The following KIF6 variants were observed in gnomAD, a reference collection of about 807,000 sequenced individuals.
KIF6 encodes the protein kinesin family member 6.
KIF6 carries 106 observed loss-of-function variants against 112.7 expected under a neutral mutation model. That is an observed-to-expected ratio of 0.94 (90% CI 0.80 to 1.11). KIF6 has a LOEUF of 1.11. Ranked by LOEUF, KIF6 falls within the 50% of genes least tolerant of loss-of-function variation. The probability of loss-of-function intolerance (pLI) is 0.00; values close to 1 mark genes in which losing one functional copy is unlikely to be tolerated. For missense variants in KIF6, 929 were observed against 964.0 expected (o/e 0.96, Z 0.48); for synonymous variants, 339 against 339.9 (o/e 1.00, Z 0.03).
At chr6:39,349,443 G>T (rs1764044422) in intron 19 of KIF6, among the ~76,000 whole-genome samples, 1 of 151,994 alleles carries the variant, frequency 6.6e-6, no homozygotes, top group Admixed American at 6.6e-5. Flanking sequence ...AGGCAGAGAG[G>T]AGGAAGAAAA....
chr6:39,372,839 T>C (rs1766127076), intron 16 of KIF6, among the ~76,000 whole-genome samples: 5 of 152,228 alleles, frequency 3.3e-5, no homozygotes, highest in African/African-American at 1.2e-4. Flanking sequence ...TAAAGCTTTC[T>C]GTTGGTTATT....
intron 13 of KIF6, among the ~76,000 whole-genome samples, chr6:39,507,413 T>G (rs1776482197): frequency 6.6e-6 from 1 of 152,182 alleles, no homozygotes; most frequent in African/African-American, 2.4e-5. Flanking sequence ...CAAGGATTTG[T>G]GGAGCTGTTG....
rs150263814 is a variant in KIF6, at chr6:39,578,363, C to T, written c.1078-204G>A. 1.2e-3 allele frequency among the ~76,000 whole-genome samples: 169 copies of T among 136,214 alleles called. 1 individual carries two copies. The Middle Eastern group carries it at 0.014, about 11-fold the overall frequency. 89.4% of individuals were successfully genotyped at this position (136,214 alleles called of 152,430 possible). On this transcript the variant is annotated intron_variant, in intron 9 of 22. Coordinates refer to ENST00000287152, the MANE Select transcript of KIF6 (RefSeq NM_145027.6). ...TTTTTTTTTTTTGGAGACAGAGTCT[C>T]GTTCTGTCACCCAGGCTGGAGTGCA...
chr6:39,340,522 T>C (rs948461680), intron 22 of KIF6, among the ~76,000 whole-genome samples: 1 of 152,232 alleles, frequency 6.6e-6, no homozygotes, highest in African/African-American at 2.4e-5. Flanking sequence ...GGGCAAGTGA[T>C]ACAACCTCTG....
intron 3 of KIF6, among the ~76,000 whole-genome samples, chr6:39,697,752 T>C (rs1260432564): frequency 6.6e-6 from 1 of 152,082 alleles, no homozygotes; most frequent in Non-Finnish European, 1.5e-5. Context: ...TTCTTTGTGT[T>C]GGCCAGGTTG....
At chr6:39,705,000 A>G (rs1789112929) in intron 3 of KIF6, among the ~76,000 whole-genome samples, 1 of 152,224 alleles carries the variant, frequency 6.6e-6, no homozygotes, top group South Asian at 2.1e-4. Context: ...TTTATTTTAG[A>G]AATAAGTGGG....
chr6:39,703,879 A>G (rs116294652), intron 3 of KIF6, among the ~76,000 whole-genome samples: 3,012 of 152,298 alleles, frequency 0.02, 93 homozygotes, highest in African/African-American at 0.069. Flanking sequence ...TTTGTATAGG[A>G]AGGATTTTCC....
chr6:39,613,087 G>T (rs1310840561), intron 6 of KIF6, 102 bp downstream of exon 6: 9 of 876,752 alleles, frequency 1.0e-5, no homozygotes, highest in Admixed American at 3.4e-5. Flanking sequence ...TAAGGTCATT[G>T]TTGGCCCTAA....
At chr6:39,698,311 T>G (rs954176936) in intron 3 of KIF6, among the ~76,000 whole-genome samples, 1 of 152,152 alleles carries the variant, frequency 6.6e-6, no homozygotes, top group African/African-American at 2.4e-5. Context: ...TTAAAAAGAA[T>G]CATACAAAAG....
intron 16 of KIF6, among the ~76,000 whole-genome samples, chr6:39,385,202 AC>A (rs1372252744): frequency 1.3e-3 from 191 of 152,338 alleles, no homozygotes; most frequent in Non-Finnish European, 2.4e-4. Flanking sequence ...ATGAAAGGAG[AC>A]TGCATATGAG....
At chr6:39,664,051 A>G (rs901786412) in intron 3 of KIF6, among the ~76,000 whole-genome samples, 1 of 152,166 alleles carries the variant, frequency 6.6e-6, no homozygotes, top group Non-Finnish European at 1.5e-5. Flanking sequence ...TAGGACTGGA[A>G]CTAATATCAA....
chr6:39,509,001 G>C (rs991267564), intron 13 of KIF6, among the ~76,000 whole-genome samples: 1 of 152,128 alleles, frequency 6.6e-6, no homozygotes, highest in Non-Finnish European at 1.5e-5. Flanking sequence ...ATACAGGTGG[G>C]TGCTCCTCTG....
At chr6:39,647,300 G>A (rs1322793650) in intron 3 of KIF6, among the ~76,000 whole-genome samples, 4 of 152,084 alleles carry the variant, frequency 2.6e-5, no homozygotes, top group African/African-American at 9.7e-5. Flanking sequence ...GACTTTGAGA[G>A]GTCTGTTTTT....
At chr6:39,487,001 A>C (rs1393739172) in intron 13 of KIF6, among the ~76,000 whole-genome samples, 1 of 152,236 alleles carries the variant, frequency 6.6e-6, no homozygotes, top group Non-Finnish European at 1.5e-5. Context: ...CAATTAAAAA[A>C]ATTTCAAAAT....
intron 15 of KIF6, among the ~76,000 whole-genome samples, chr6:39,414,245 A>G (rs1239255929): frequency 6.6e-6 from 1 of 152,190 alleles, no homozygotes; most frequent in African/African-American, 2.4e-5. Flanking sequence ...TTTGGTACAT[A>G]AGCATAAATA....
intron 13 of KIF6, among the ~76,000 whole-genome samples, chr6:39,519,951 G>A (rs1407162424): frequency 3.9e-5 from 6 of 152,148 alleles, no homozygotes; most frequent in Non-Finnish European, 7.4e-5. Flanking sequence ...GAACCCGGGG[G>A]GCAGAGGTTG....
At chr6:39,498,526 A>G (rs960304103) in intron 13 of KIF6, among the ~76,000 whole-genome samples, 11 of 152,214 alleles carry the variant, frequency 7.2e-5, no homozygotes, top group African/African-American at 2.4e-4. Context: ...AGGGCAGGAT[A>G]GTAGATTTTT....
intron 13 of KIF6, among the ~76,000 whole-genome samples, chr6:39,452,998 T>C (rs2150410243): frequency 6.6e-6 from 1 of 152,310 alleles, no homozygotes; most frequent in Non-Finnish European, 1.5e-5. Flanking sequence ...CACAACTTTG[T>C]TAAAGAATCA....
At chr6:39,370,804 C>T (rs776470836) in intron 16 of KIF6, among the ~76,000 whole-genome samples, 14 of 151,672 alleles carry the variant, frequency 9.2e-5, no homozygotes, top group Non-Finnish European at 1.3e-4. Flanking sequence ...TGAGAATTCT[C>T]GGGGATCTGT....
Sources: gnomAD v4.1 joint callset for allele counts (sites outside exome capture counted in the v4.1 genomes callset) on GRCh38, gnomAD v4.1.1 for gene constraint, MANE v1.5 for transcripts, NCBI Gene and HGNC (gene_info 2026-07-23, HGNC 2026-07-21) for gene names.